Variants in SYN2 observed in about 807,000 individuals in gnomAD.
SYN2 encodes the protein synapsin-2.
In SYN2, 19 loss-of-function variants were observed where a neutral mutation model predicts 50.9. The ratio of observed to expected loss-of-function variants is 0.37; its 90% CI spans 0.26 to 0.55. The LOEUF (loss-of-function observed/expected upper bound fraction) is 0.55. Ranked by LOEUF, SYN2 falls within the 20% of genes least tolerant of loss-of-function variation. SYN2 has a pLI of 0.81. For synonymous variants in SYN2, 255 were observed against 224.9 expected, an observed-to-expected ratio of 1.13 and a Z score of -1.20; for missense variants, 587 against 576.4, an observed-to-expected ratio of 1.02 and a Z score of -0.19.
At chr3:12,015,866 T>TG (rs748435651) in intron 1 of SYN2, among the ~76,000 whole-genome samples, 2 of 152,244 alleles carry the variant, frequency 1.3e-5, no homozygotes, top group Non-Finnish European at 2.9e-5. Context: ...CTTCCATTCC[T>TG]GTCCTCCCAA....
chr3:12,179,374 G>GAAAAAAAAAAAAAA (rs536283283), intron 10 of SYN2, among the ~76,000 whole-genome samples: 3 of 92,564 alleles, frequency 3.2e-5, no homozygotes, highest in Non-Finnish European at 4.2e-5. Flanking sequence ...AGAACTGAAA[G>GAAAAAAAAAAAAAA]AAAAAAAAAA....
At chr3:12,033,699 C>G (rs1694431872) in intron 1 of SYN2, among the ~76,000 whole-genome samples, 1 of 152,208 alleles carries the variant, frequency 6.6e-6, no homozygotes, top group East Asian at 1.9e-4. Flanking sequence ...CAGGCAACCA[C>G]TAATTTACCT....
chr3:12,029,206 T>G (rs1200288278), intron 1 of SYN2, among the ~76,000 whole-genome samples: 23 of 129,802 alleles, frequency 1.8e-4, no homozygotes, highest in African/African-American at 7.9e-4. Flanking sequence ...GCGTTATTTC[T>G]GAGGGCTCTG....
At chr3:12,044,494 A>G (rs912179056) in intron 1 of SYN2, among the ~76,000 whole-genome samples, 1 of 152,202 alleles carries the variant, frequency 6.6e-6, no homozygotes, top group African/African-American at 2.4e-5. Context: ...ATGAGCAACC[A>G]TTCTTTTAGA....
At chr3:12,093,859 A>AT (rs34441908) in intron 1 of SYN2, among the ~76,000 whole-genome samples, 101,064 of 144,010 alleles carry the variant, frequency 0.7, 36,044 homozygotes, top group South Asian at 0.8. Context: ...CTGCCCTGCA[A>AT]TTTTTTTTTT....
At chr3:12,071,977 T>C (rs1695363467) in intron 1 of SYN2, among the ~76,000 whole-genome samples, 1 of 152,238 alleles carries the variant, frequency 6.6e-6, no homozygotes, top group Non-Finnish European at 1.5e-5. Flanking sequence ...TTGTATGCAA[T>C]TCTCAATTCT....
intron 1 of SYN2, among the ~76,000 whole-genome samples, chr3:12,120,774 A>T (rs569770454): frequency 2.6e-5 from 4 of 151,918 alleles, no homozygotes; most frequent in Admixed American, 6.6e-5. Context: ...GCCATGACCT[A>T]CCTCTATATT....
intron 1 of SYN2, among the ~76,000 whole-genome samples, chr3:12,090,350 C>G (rs566387588): frequency 7.0e-4 from 101 of 144,954 alleles, no homozygotes; most frequent in Non-Finnish European, 1.2e-3. Flanking sequence ...CAGGTCATAC[C>G]TAGGATCCCA....
At chr3:12,140,088 G>A (rs963004768) in intron 1 of SYN2, among the ~76,000 whole-genome samples, 5 of 152,094 alleles carry the variant, frequency 3.3e-5, no homozygotes, top group African/African-American at 9.7e-5. Flanking sequence ...GTCTTTTCCC[G>A]CTACCTTCTA....
intron 5 of SYN2, chr3:12,158,992 G>A (rs1697556483): frequency 8.6e-7 from 1 of 1,163,224 alleles, no homozygotes; most frequent in Non-Finnish European, 1.2e-6. Flanking sequence ...CCTTCCTTTG[G>A]CTCTAGGCCA....
At chr3:12,052,214 TG>T (rs1299598676) in intron 1 of SYN2, among the ~76,000 whole-genome samples, 1 of 152,198 alleles carries the variant, frequency 6.6e-6, no homozygotes, top group East Asian at 1.9e-4. Flanking sequence ...TCACAGTATC[TG>T]TAAAGTATTA....
At chr3:12,056,164 G>GT (rs1391774881) in intron 1 of SYN2, among the ~76,000 whole-genome samples, 88 of 149,366 alleles carry the variant, frequency 5.9e-4, no homozygotes, top group East Asian at 2.4e-3. Flanking sequence ...ACAAAGTTGT[G>GT]TTTTGTTTTT....
At chr3:12,176,478 C>T (rs1698070717) in intron 10 of SYN2, among the ~76,000 whole-genome samples, 1 of 152,186 alleles carries the variant, frequency 6.6e-6, no homozygotes, top group South Asian at 2.1e-4. Flanking sequence ...GAGCTGGCTT[C>T]CCGTTTGGCT....
chr3:12,070,363 A>G, intron 1 of SYN2: 1 of 517,192 alleles, frequency 1.9e-6, no homozygotes, highest in Non-Finnish European at 3.9e-6. Flanking sequence ...GATGGTGGGC[A>G]TGGGTCAGAA....
At chr3:12,047,407 T>C (rs1694762776) in intron 1 of SYN2, among the ~76,000 whole-genome samples, 1 of 152,168 alleles carries the variant, frequency 6.6e-6, no homozygotes, top group South Asian at 2.1e-4. Flanking sequence ...GGAAGGATGA[T>C]GGAAGGGGTA....
chr3:12,067,549 T>C (rs1695240156), intron 1 of SYN2, among the ~76,000 whole-genome samples: 1 of 151,562 alleles, frequency 6.6e-6, no homozygotes, highest in Non-Finnish European at 1.5e-5. Context: ...CCATGTGCAG[T>C]TTCTCCTTCT....
intron 1 of SYN2, among the ~76,000 whole-genome samples, chr3:12,033,124 G>C (rs961756852): frequency 1.3e-5 from 2 of 151,818 alleles, no homozygotes; most frequent in Non-Finnish European, 2.9e-5. Flanking sequence ...CTGCAGGTCT[G>C]TTGGAATACC....
At chr3:12,157,014 C>A in intron 5 of SYN2, 1 of 1,024,160 alleles carries the variant, frequency 9.8e-7, no homozygotes, top group Non-Finnish European at 1.5e-6. Flanking sequence ...CCTCTCACTT[C>A]TCAGCCTAAA....
chr3:12,023,344 T>G (rs1231930919), intron 1 of SYN2, among the ~76,000 whole-genome samples: 1 of 152,052 alleles, frequency 6.6e-6, no homozygotes, highest in Non-Finnish European at 1.5e-5. Context: ...GAAATTGAAG[T>G]TTATAAAGTA....
Sources: allele counts gnomAD v4.1 joint callset (sites outside exome capture counted in the v4.1 genomes callset), GRCh38; gene constraint gnomAD v4.1.1; transcripts MANE v1.5; gene names NCBI Gene and HGNC (gene_info 2026-07-23, HGNC 2026-07-21).